The following CASR variants were observed in gnomAD, a reference collection of about 807,000 sequenced individuals.
CASR encodes calcium sensing receptor.
Under a neutral mutation model 69.1 loss-of-function variants are expected in CASR, and 23 were observed. The ratio of observed to expected loss-of-function variants is 0.33; its 90% CI spans 0.24 to 0.47. The LOEUF (loss-of-function observed/expected upper bound fraction) is 0.47, where lower values mean the gene tolerates loss of function less well. Ranked by LOEUF, CASR falls within the 20% of genes least tolerant of loss-of-function variation. The pLI is 1.00. For synonymous variants in CASR, 541 were observed against 544.7 expected (o/e 0.99, Z 0.10); for missense variants, 924 against 1,356.1 (o/e 0.68, Z 5.00).
At chr3:122,268,191 G>A (rs2074715487) in intron 4 of CASR, among the ~76,000 whole-genome samples, 1 of 152,196 alleles carries the variant, frequency 6.6e-6, no homozygotes, top group Admixed American at 6.5e-5. Flanking sequence ...AACTTGTTAA[G>A]TTTATTATGA....
chr3:122,278,287 C>T (rs1308335394), intron 5 of CASR, among the ~76,000 whole-genome samples: 1 of 152,128 alleles, frequency 6.6e-6, no homozygotes, highest in Admixed American at 6.5e-5. Context: ...TTTAAAGATC[C>T]TTGTATCCAA....
chr3:122,218,521 A>T (rs2074139855), intron 1 of CASR, among the ~76,000 whole-genome samples: 1 of 149,230 alleles, frequency 6.7e-6, no homozygotes, highest in African/African-American at 2.5e-5. Flanking sequence ...GAGTTCTGGC[A>T]ACAGAGCGAG....
intron 1 of CASR, among the ~76,000 whole-genome samples, chr3:122,215,178 A>G (rs900409567): frequency 3.2e-4 from 48 of 152,248 alleles, no homozygotes; most frequent in African/African-American, 1.2e-3. Context: ...AACTAAGGGC[A>G]CAGCTGGACA....
At chr3:122,239,111 G>A (rs1337918763) in intron 1 of CASR, among the ~76,000 whole-genome samples, 2 of 152,168 alleles carry the variant, frequency 1.3e-5, no homozygotes, top group Admixed American at 6.5e-5. Context: ...AGCACCAAGC[G>A]GGCTCTTGGG....
intron 1 of CASR, among the ~76,000 whole-genome samples, chr3:122,251,572 A>G (rs1188253953): frequency 1.3e-5 from 2 of 152,220 alleles, no homozygotes; most frequent in East Asian, 3.8e-4. Flanking sequence ...AGATAAGTAG[A>G]TGTTTTCCAG....
chr3:122,232,859 G>C (rs1455985709), intron 1 of CASR, among the ~76,000 whole-genome samples: 1 of 152,054 alleles, frequency 6.6e-6, no homozygotes, highest in African/African-American at 2.4e-5. Context: ...CCATAAGCTA[G>C]GCCTTGGCGT....
rs1032341054 is a variant in CASR at position 122,257,027 on chromosome 3, T to C, written c.186-54T>C. 4.6e-6 allele frequency: 7 copies of C among 1,513,184 alleles called. No individual in the cohort carries two copies. In the African/African-American group the frequency reaches 6.9e-5, roughly 15 times the overall value. The allele number at this position is 1,513,184 out of a possible 1,614,324, so 93.7% of individuals were successfully genotyped here. ...ACCCAGCTTTGCCAGGTCTTTACTC[T>C]AAAGTCGTTGACTAGAAAGCTTCCC... is the stretch of plus-strand genomic sequence containing the variant. On this transcript the variant is annotated intron_variant, in intron 2 of 6. Transcript: ENST00000639785.
At chr3:122,222,794 C>T (rs2074184706) in intron 1 of CASR, among the ~76,000 whole-genome samples, 1 of 151,860 alleles carries the variant, frequency 6.6e-6, no homozygotes, top group Non-Finnish European at 1.5e-5. Context: ...GGCACATACT[C>T]TAAATCAACC....
At position 122,186,279 on chromosome 3, in the gene CASR, G is replaced by A. The variant is rs529140274; in HGVS notation, c.-243+2467G>A. ...GATCCCAACCATGTCAGAAAGTTCA[G>A]GCTGATTAGAAGCTGCCACTTCTAA... On this transcript the variant is annotated intron_variant, in intron 1 of 6. Transcript: ENST00000639785. Among the ~76,000 whole-genome samples, 9 of 152,234 alleles carry A rather than the reference G, an allele frequency of 5.9e-5. No individual in the cohort carries two copies. The South Asian group carries it at 1.9e-3, about 32-fold the overall frequency.
chr3:122,184,939 G>A (rs1314019544), intron 1 of CASR, among the ~76,000 whole-genome samples: 1 of 152,200 alleles, frequency 6.6e-6, no homozygotes, highest in African/African-American at 2.4e-5. Context: ...CACAGAGTCA[G>A]CTCTGGCCCC....
intron 1 of CASR, among the ~76,000 whole-genome samples, chr3:122,186,252 T>A (rs968826415): frequency 2.6e-5 from 4 of 152,338 alleles, no homozygotes; most frequent in Admixed American, 1.3e-4. Flanking sequence ...AACCTTGAAC[T>A]GGATCCCAAC....
intron 2 of CASR, among the ~76,000 whole-genome samples, chr3:122,256,173 C>T (rs2074552301): frequency 6.6e-6 from 1 of 152,204 alleles, no homozygotes; most frequent in Admixed American, 6.5e-5. Context: ...CTGTTGTACA[C>T]CCCAGACTGT....
intron 1 of CASR, among the ~76,000 whole-genome samples, chr3:122,186,528 C>A (rs2073785467): frequency 6.6e-6 from 1 of 152,178 alleles, no homozygotes; most frequent in South Asian, 2.1e-4. Context: ...GGCTATGTGC[C>A]AGTCACTGGG....
At chr3:122,212,938 G>A (rs2074083420) in intron 1 of CASR, among the ~76,000 whole-genome samples, 1 of 152,106 alleles carries the variant, frequency 6.6e-6, no homozygotes, top group Middle Eastern at 3.2e-3. Flanking sequence ...CACAGTGCCT[G>A]GCCGATTTTC....
At chr3:122,184,129 C>CAGCTA (rs1170043703) in intron 1 of CASR, 1 of 152,234 alleles carries the variant, frequency 6.6e-6, no homozygotes, top group African/African-American at 2.4e-5. Context: ...CCTGAAGAGT[C>CAGCTA]AGCTAAGCTC....
chr3:122,203,990 A>G (rs969988479), intron 1 of CASR, among the ~76,000 whole-genome samples: 4 of 152,020 alleles, frequency 2.6e-5, no homozygotes, highest in African/African-American at 9.7e-5. Context: ...AGACATACAT[A>G]GTTTGTGGAT....
intron 1 of CASR, among the ~76,000 whole-genome samples, chr3:122,217,349 C>T (rs1231091167): frequency 2.0e-5 from 3 of 152,138 alleles, no homozygotes; most frequent in Non-Finnish European, 4.4e-5. Flanking sequence ...AATCTGCCTG[C>T]CTCGGCCTCC....
chr3:122,275,587 C>T (rs1380224717), intron 4 of CASR, among the ~76,000 whole-genome samples: 1 of 152,188 alleles, frequency 6.6e-6, no homozygotes, highest in South Asian at 2.1e-4. Flanking sequence ...GTTTCCTACC[C>T]TAATCATAAT....
chr3:122,289,316 G>A lies in CASR; in HGVS notation c.*4125G>A, dbSNP rs12493036. ...GTGGGTGGAATTAGGGTAGGTGGGA[G>A]GAAGTTGCCACAGTGAGATCACAGC... On this transcript the variant is annotated 3_prime_UTR_variant, in exon 7 of 7. Coordinates refer to ENST00000639785, the MANE Select transcript of CASR (RefSeq NM_000388.4). The A allele has an allele frequency of 0.35, 53,831 of 152,034 alleles. 10,511 individuals are homozygous for A. The highest frequency in any genetic ancestry group is 0.52 in the African/African-American group (21,481 of 41,450). 9.4% of individuals were successfully genotyped at this position (152,034 alleles called of 1,614,324 possible). A position where few individuals can be genotyped will look rare whatever the true frequency, so the allele number is the denominator to read the frequency against.
Sources: gnomAD v4.1 joint callset for allele counts (sites outside exome capture counted in the v4.1 genomes callset) on GRCh38, gnomAD v4.1.1 for gene constraint, MANE v1.5 for transcripts, NCBI Gene and HGNC (gene_info 2026-07-23, HGNC 2026-07-21) for gene names.